The following UGT1A8 variants were observed in gnomAD, a reference collection of about 807,000 sequenced individuals.
The protein encoded by UGT1A8 is UDP-glucuronosyltransferase 1A8.
UGT1A8 carries 39 observed loss-of-function variants against 45.3 expected under a neutral mutation model. That is an observed-to-expected ratio of 0.86 (90% CI 0.67 to 1.12). The LOEUF (loss-of-function observed/expected upper bound fraction) is 1.12. UGT1A8 is among the 50% of genes most tolerant of loss of function. UGT1A8 has a pLI of 0.00. For synonymous variants in UGT1A8, 275 were observed against 249.2 expected (o/e 1.10, Z -0.97); for missense variants, 719 against 664.9 (o/e 1.08, Z -0.90).
At chr2:233,730,124 T>C in intron 1 of UGT1A8, 4 of 1,544,442 alleles carry the variant, frequency 2.6e-6, no homozygotes, top group East Asian at 2.4e-5. Flanking sequence ...CTTGTCATAA[T>C]AGCCTTCAGT....
intron 1 of UGT1A8, among the ~76,000 whole-genome samples, chr2:233,640,227 A>G (rs1459615770): frequency 1.3e-5 from 2 of 152,220 alleles, no homozygotes; most frequent in East Asian, 1.9e-4. Context: ...TGAAAAGACT[A>G]TAGTGTAATG....
chr2:233,638,012 G>A (rs2073346906), intron 1 of UGT1A8, among the ~76,000 whole-genome samples: 1 of 152,022 alleles, frequency 6.6e-6, no homozygotes, highest in African/African-American at 2.4e-5. Context: ...TTGTGAATAA[G>A]GCTGTGTAAA....
chr2:233,720,890 T>A (rs2076904150), intron 1 of UGT1A8, among the ~76,000 whole-genome samples: 3 of 149,442 alleles, frequency 2.0e-5, no homozygotes, highest in African/African-American at 5.0e-5. Context: ...TTTTTTTTTT[T>A]AGTAGAGATG....
At chr2:233,747,632 C>G in intron 1 of UGT1A8, 1 of 1,580,404 alleles carries the variant, frequency 6.3e-7, no homozygotes, top group Non-Finnish European at 8.7e-7. Context: ...TGATCAGGCA[C>G]CTGAATGCTA....
chr2:233,755,006 C>T (rs1286236812), intron 1 of UGT1A8: 2 of 1,291,954 alleles, frequency 1.5e-6, no homozygotes, highest in Admixed American at 1.9e-5. Context: ...TGAAGACCTA[C>T]TCGAAGGGGT....
rs375123865 is a variant in UGT1A8, at chr2:233,769,419, A to G, written c.1295+980A>G. ...TGCATATGTGCGTGTGCGTTTGTGC[A>G]TGTGGCTGTGCTCATGTGTGGGTGC... On this transcript the variant is annotated intron_variant, in intron 4 of 4. Transcript: ENST00000373450. The surrounding 1 kb of genome is among the most constrained non-coding windows in gnomAD (Gnocchi z 4.4). 1.9e-5 allele frequency: 27 copies of G among 1,449,888 alleles called. No individual in the cohort carries two copies. The highest frequency in any genetic ancestry group is 3.6e-4 in the Middle Eastern group (2 of 5,546). The allele number at this position is 1,449,888 out of a possible 1,614,324, so 89.8% of individuals were successfully genotyped here.
At chr2:233,647,124 G>C (rs752045421) in intron 1 of UGT1A8, among the ~76,000 whole-genome samples, 2 of 152,144 alleles carry the variant, frequency 1.3e-5, no homozygotes, top group East Asian at 3.8e-4. Flanking sequence ...ACCAGATCTC[G>C]TGAGACTTAC....
At chr2:233,709,172 T>C (rs2076061956) in intron 1 of UGT1A8, among the ~76,000 whole-genome samples, 1 of 152,170 alleles carries the variant, frequency 6.6e-6, no homozygotes, top group South Asian at 2.1e-4. Flanking sequence ...GGTCACATGT[T>C]CTATCCTGAG....
intron 1 of UGT1A8, chr2:233,719,320 T>C (rs1246045139): frequency 6.8e-6 from 11 of 1,613,984 alleles, no homozygotes; most frequent in Non-Finnish European, 8.5e-6. Context: ...TACCTGTCGA[T>C]TCCTGCTGTG....
chr2:233,617,826 C>T lies in UGT1A8; in HGVS notation c.119C>T (p.Thr40Ile). Residue 40 changes from threonine to isoleucine, a missense_variant, in exon 1 of 5, where the codon ACC (threonine) becomes ATC (isoleucine). Thr to Ile is a moderately conservative substitution (Grantham distance 89). Coordinates refer to ENST00000373450, the MANE Select transcript of UGT1A8 (RefSeq NM_019076.5). ...CCCATGGATGGGAGTCACTGGTTCACCATGCAGTCGGTGGTGGAGAAACTT... is the reference window on the plus strand; with the variant it reads ...CCCATGGATGGGAGTCACTGGTTCATCATGCAGTCGGTGGTGGAGAAACTT... Reference protein sequence around the residue: ...VVPMDGSHWFTMQSVVEKLIL... With the variant: ...VVPMDGSHWFIMQSVVEKLIL... 1 of 1,614,004 alleles carries T rather than the reference C, an allele frequency of 6.2e-7. No individual in the cohort carries two copies.
chr2:233,715,185 C>T (rs2125642752), intron 1 of UGT1A8, among the ~76,000 whole-genome samples: 1 of 152,280 alleles, frequency 6.6e-6, no homozygotes, highest in African/African-American at 2.4e-5. Context: ...CACACCTAGG[C>T]AATTTTTCTA....
intron 1 of UGT1A8, chr2:233,682,339 A>G: frequency 6.2e-7 from 1 of 1,614,114 alleles, no homozygotes; most frequent in Non-Finnish European, 8.5e-7. Flanking sequence ...GAAAATTAGT[A>G]GAATACTTAA....
At chr2:233,693,476 A>G (rs1329461321) in intron 1 of UGT1A8, 2 of 1,614,154 alleles carry the variant, frequency 1.2e-6, no homozygotes, top group African/African-American at 1.3e-5. Context: ...CTGTGGGGTG[A>G]TCCTGGCTGA....
chr2:233,715,885 C>G (rs1236861095), intron 1 of UGT1A8, among the ~76,000 whole-genome samples: 4 of 152,204 alleles, frequency 2.6e-5, no homozygotes, highest in African/African-American at 7.2e-5. Flanking sequence ...GTGGCCCCAG[C>G]TACTTGGGAG....
At chr2:233,708,581 T>C (rs2076023977) in intron 1 of UGT1A8, 1 of 152,154 alleles carries the variant, frequency 6.6e-6, no homozygotes, top group Non-Finnish European at 1.5e-5. Context: ...GTGAGATTCC[T>C]TCACTACAGA....
intron 1 of UGT1A8, among the ~76,000 whole-genome samples, chr2:233,622,932 C>T (rs2073034935): frequency 6.6e-6 from 1 of 152,138 alleles, no homozygotes; most frequent in South Asian, 2.1e-4. Flanking sequence ...CCAGTTTCAG[C>T]TTTCTACATA....
chr2:233,654,318 A>G (rs913353551), intron 1 of UGT1A8, among the ~76,000 whole-genome samples: 2 of 152,232 alleles, frequency 1.3e-5, no homozygotes, highest in Admixed American at 1.3e-4. Context: ...TTAGGGAATC[A>G]ATATTTCAGA....
At chr2:233,641,410 C>T (rs2073448573) in intron 1 of UGT1A8, among the ~76,000 whole-genome samples, 1 of 152,164 alleles carries the variant, frequency 6.6e-6, no homozygotes, top group Non-Finnish European at 1.5e-5. Flanking sequence ...CTTAACTTTG[C>T]TCCCTACTTT....
At chr2:233,719,012 G>T (rs763830494) in intron 1 of UGT1A8, 1 of 1,614,092 alleles carries the variant, frequency 6.2e-7, no homozygotes, top group African/African-American at 1.3e-5. Flanking sequence ...TCACCCCAGA[G>T]GTGAATATGC....
Sources: gnomAD v4.1 joint callset for allele counts (sites outside exome capture counted in the v4.1 genomes callset) on GRCh38, gnomAD v4.1.1 for gene constraint, Gnocchi (gnomAD v3.1) non-coding constraint, MANE v1.5 for transcripts, NCBI Gene and HGNC (gene_info 2026-07-23, HGNC 2026-07-21) for gene names.